Variants in NECAB1 observed in about 807,000 individuals in gnomAD.
The protein encoded by NECAB1 is N-terminal EF-hand calcium-binding protein 1.
Under a neutral mutation model 57.5 loss-of-function variants are expected in NECAB1, and 29 were observed. The observed-to-expected ratio is 0.50, with a 90% confidence interval of 0.38 to 0.69. The LOEUF (loss-of-function observed/expected upper bound fraction) is 0.69, where lower values mean the gene tolerates loss of function less well. NECAB1 is among the 30% of genes least tolerant of loss of function. NECAB1 has a pLI of 0.00. For synonymous variants in NECAB1, 142 were observed against 147.7 expected, an observed-to-expected ratio of 0.96 and a Z score of 0.28; for missense variants, 372 against 413.8, an observed-to-expected ratio of 0.90 and a Z score of 0.88.
chr8:90,938,159 C>A (rs965442351), intron 9 of NECAB1, among the ~76,000 whole-genome samples: 9 of 152,314 alleles, frequency 5.9e-5, no homozygotes, highest in Admixed American at 5.2e-4. Flanking sequence ...GCAACAAAAT[C>A]TCATGTCACT....
At chr8:90,804,304 C>G (rs1011491839) in intron 2 of NECAB1, among the ~76,000 whole-genome samples, 1 of 151,560 alleles carries the variant, frequency 6.6e-6, no homozygotes, top group Admixed American at 6.6e-5. Flanking sequence ...ACATCTATAT[C>G]GAGCCTAAAA....
chr8:90,882,547 C>T (rs1808863962), intron 5 of NECAB1, among the ~76,000 whole-genome samples: 1 of 152,040 alleles, frequency 6.6e-6, no homozygotes, highest in South Asian at 2.1e-4. Context: ...CAGAAATGGC[C>T]ATTAAAAAAT....
intron 2 of NECAB1, among the ~76,000 whole-genome samples, chr8:90,818,705 G>GT (rs1397497610): frequency 6.6e-6 from 1 of 151,862 alleles, no homozygotes; most frequent in Non-Finnish European, 1.5e-5. Context: ...ATATATTGAG[G>GT]TATGAGTTTG....
Position 90,889,113 on chromosome 8 carries a change from C to T in NECAB1, c.357+7983C>T, listed in dbSNP as rs1357573868. On this transcript the variant is annotated intron_variant, in intron 5 of 12. Coordinates refer to ENST00000417640, the MANE Select transcript of NECAB1 (RefSeq NM_022351.5). ...TAAGACTGAATGTCTATCTGGGAGACCACTTAGCTTTATTTTATGAACCAA... is the reference window on the plus strand; with the variant it reads ...TAAGACTGAATGTCTATCTGGGAGATCACTTAGCTTTATTTTATGAACCAA... Among the ~76,000 whole-genome samples, 3 of 152,090 alleles carry T rather than the reference C, an allele frequency of 2.0e-5. No individual in the cohort carries two copies. The East Asian group carries it at 5.8e-4, about 29-fold the overall frequency.
intron 6 of NECAB1, among the ~76,000 whole-genome samples, chr8:90,924,205 A>G (rs1286191296): frequency 6.6e-6 from 1 of 152,200 alleles, no homozygotes; most frequent in Non-Finnish European, 1.5e-5. Context: ...TTTCAAAACA[A>G]TTGGCAATCT....
At chr8:90,864,129 G>A (rs1024333090) in intron 3 of NECAB1, among the ~76,000 whole-genome samples, 7 of 151,720 alleles carry the variant, frequency 4.6e-5, no homozygotes, top group African/African-American at 9.7e-5. Context: ...TATACTTTTC[G>A]AAAAAATGTC....
intron 3 of NECAB1, among the ~76,000 whole-genome samples, chr8:90,832,201 T>C (rs1200137946): frequency 1.3e-5 from 2 of 152,176 alleles, no homozygotes; most frequent in African/African-American, 4.8e-5. Flanking sequence ...CACAAAGATA[T>C]GGAGAGAGAA....
chr8:90,867,720 G>A (rs942383427), intron 3 of NECAB1, among the ~76,000 whole-genome samples: 4 of 152,170 alleles, frequency 2.6e-5, no homozygotes, highest in African/African-American at 7.2e-5. Context: ...AATGATAAAT[G>A]CAAAACGTTT....
chr8:90,823,662 A>G (rs956791612), intron 2 of NECAB1, among the ~76,000 whole-genome samples: 16 of 151,830 alleles, frequency 1.1e-4, no homozygotes, highest in African/African-American at 3.6e-4. Context: ...CTACTCAAAG[A>G]CAAATTCCAC....
intron 7 of NECAB1, among the ~76,000 whole-genome samples, chr8:90,926,665 C>T (rs1810279737): frequency 6.6e-6 from 1 of 152,174 alleles, no homozygotes; most frequent in Admixed American, 6.5e-5. Flanking sequence ...ATGTAGCCTC[C>T]TTCTGGAATA....
At chr8:90,847,931 A>G (rs572265701) in intron 3 of NECAB1, among the ~76,000 whole-genome samples, 1 of 152,270 alleles carries the variant, frequency 6.6e-6, no homozygotes, top group African/African-American at 2.4e-5. Context: ...ATTCTCTGAC[A>G]TGCCCTGGAA....
chr8:90,800,532 G>A (rs913712371), intron 1 of NECAB1, among the ~76,000 whole-genome samples: 1 of 152,264 alleles, frequency 6.6e-6, no homozygotes, highest in South Asian at 2.1e-4. Context: ...TTATCATGAA[G>A]GAAGGTTGGA....
At position 90,957,968 on chromosome 8, in the gene NECAB1, G is replaced by T. The variant is rs1811062373; in HGVS notation, c.*2456G>T. ...TGAAAAAAAAAGTACTGGTTTAGGA[G>T]TTCAAAATTCAGTGAAACAAACTTT... is the stretch of plus-strand genomic sequence containing the variant. On this transcript the variant is annotated 3_prime_UTR_variant, in exon 13 of 13. Transcript: ENST00000417640. 6.6e-6 allele frequency: 1 copy of T among 151,064 alleles called. No individual in the cohort carries two copies. Among genetic ancestry groups the T allele is most frequent in the Non-Finnish European group, 1.5e-5 (1 of 67,604 alleles). The allele number at this position is 151,064 out of a possible 1,614,324, so 9.4% of individuals were successfully genotyped here. A position where few individuals can be genotyped will look rare whatever the true frequency, so the allele number is the denominator to read the frequency against.
At chr8:90,863,714 A>C (rs1350057489) in intron 3 of NECAB1, among the ~76,000 whole-genome samples, 1 of 152,144 alleles carries the variant, frequency 6.6e-6, no homozygotes, top group Non-Finnish European at 1.5e-5. Context: ...TTTAAAATCT[A>C]GAATTATTTC....
At chr8:90,800,642 A>G (rs369791186) in intron 1 of NECAB1, among the ~76,000 whole-genome samples, 1 of 152,212 alleles carries the variant, frequency 6.6e-6, no homozygotes. Context: ...TGGAGGACAC[A>G]ATTCAACCTA....
intron 10 of NECAB1, among the ~76,000 whole-genome samples, chr8:90,945,355 C>T (rs754791885): frequency 4.3e-4 from 66 of 152,114 alleles, no homozygotes; most frequent in Non-Finnish European, 7.6e-4. Context: ...CATGAGCTAC[C>T]GTGCCGGGCC....
chr8:90,832,634 T>C (rs1265872533), intron 3 of NECAB1, among the ~76,000 whole-genome samples: 2 of 152,118 alleles, frequency 1.3e-5, no homozygotes, highest in Admixed American at 1.3e-4. Context: ...ATTTATGAAG[T>C]GATTATGTAC....
At chr8:90,795,708 TCACA>T (rs59863984) in intron 1 of NECAB1, among the ~76,000 whole-genome samples, 17,871 of 147,752 alleles carry the variant, frequency 0.12, 1,424 homozygotes, top group African/African-American at 0.22. Context: ...CTCATCTCTC[TCACA>T]CACACACACA....
At chr8:90,953,047 G>A (rs762272079) in intron 12 of NECAB1, among the ~76,000 whole-genome samples, 6 of 152,202 alleles carry the variant, frequency 3.9e-5, no homozygotes, top group East Asian at 3.9e-4. Context: ...AAATTTCCAC[G>A]AAGTCCTGAC....
Sources: allele counts gnomAD v4.1 joint callset (sites outside exome capture counted in the v4.1 genomes callset), GRCh38; gene constraint gnomAD v4.1.1; transcripts MANE v1.5; gene names NCBI Gene and HGNC (gene_info 2026-07-23, HGNC 2026-07-21).